The following ZNF566 variants were observed in gnomAD, a reference collection of about 807,000 sequenced individuals.
The protein encoded by ZNF566 is zinc finger protein 566.
Under a neutral mutation model 32.8 loss-of-function variants are expected in ZNF566, and 27 were observed. The observed-to-expected ratio is 0.82, with a 90% CI of 0.61 to 1.14. The LOEUF is 1.14. ZNF566 is among the 50% of genes most tolerant of loss of function. The pLI, the probability that ZNF566 is intolerant of heterozygous loss-of-function variation, is 0.00. For missense variants in ZNF566, 402 were observed against 490.4 expected (o/e 0.82, Z 1.70); for synonymous variants, 154 against 159.5 (o/e 0.97, Z 0.26).
At chr19:36,476,448 G>A (rs374958503) in intron 2 of ZNF566, 101 bp downstream of exon 2, 4 of 836,784 alleles carry the variant, frequency 4.8e-6, no homozygotes, top group Non-Finnish European at 7.2e-6. Flanking sequence ...GAAAGGTGTT[G>A]TTTTTCTAAC....
chr19:36,486,115 G>A (rs1248911963), intron 1 of ZNF566, among the ~76,000 whole-genome samples: 1 of 152,062 alleles, frequency 6.6e-6, no homozygotes, highest in East Asian at 1.9e-4. Flanking sequence ...TAACTGGCCA[G>A]TACTCTTCAA....
rs1393222834 is a variant in ZNF566, at chr19:36,473,471, C to T, written c.10-13G>A. The T allele has an allele frequency of 6.4e-7, 1 of 1,559,492 alleles. No individual in the cohort carries two copies. Among genetic ancestry groups the T allele is most frequent in the East Asian group, 2.3e-5 (1 of 43,602 alleles). ...ACATCACTGACTCCTGGAACAATAA[C>T]CACGTATATGACTTCATTAATTTTT... On this transcript the variant is annotated splice_polypyrimidine_tract_variant and intron_variant, in intron 2 of 4. Coordinates refer to ENST00000452939, the MANE Select transcript of ZNF566 (RefSeq NM_001145344.1).
chr19:36,458,441 T>A (rs2033374356), intron 4 of ZNF566, among the ~76,000 whole-genome samples: 2 of 152,070 alleles, frequency 1.3e-5, no homozygotes, highest in African/African-American at 4.8e-5. Flanking sequence ...ATATATGAAC[T>A]CTAAAACGTT....
At chr19:36,456,853 C>T (rs997742187) in intron 4 of ZNF566, among the ~76,000 whole-genome samples, 1 of 152,160 alleles carries the variant, frequency 6.6e-6, no homozygotes, top group Non-Finnish European at 1.5e-5. Flanking sequence ...GAATCCCTAA[C>T]AAAATTCCAA....
At position 36,456,035 on chromosome 19, in the gene ZNF566, T is replaced by A. The variant is rs192027487; in HGVS notation, c.233-6034A>T. Among the ~76,000 whole-genome samples the A allele has an allele frequency of 5.3e-5, 8 of 150,422 alleles. No homozygotes were observed. The East Asian group carries it at 1.6e-3, about 30-fold the overall frequency. The stretch of plus-strand genomic sequence containing the variant: ...GACTGGGTGACAGAGCGAGACTCCA[T>A]CTCAAAAAAGAAAAAAAAAAGTAAT... On this transcript the variant is annotated intron_variant, in intron 4 of 4. Transcript: ENST00000452939.
At chr19:36,479,671 G>A (rs924630092) in intron 1 of ZNF566, among the ~76,000 whole-genome samples, 1 of 152,162 alleles carries the variant, frequency 6.6e-6, no homozygotes, top group African/African-American at 2.4e-5. Context: ...GTCTTGCTTT[G>A]TTACCCAGGT....
chr19:36,449,053 G>A lies in ZNF566; in HGVS notation c.1181C>T (p.Pro394Leu). Residue 394 changes from proline to leucine, a missense_variant, in exon 5 of 5, where the codon CCC (proline) becomes CTC (leucine). By Grantham distance (98) the Pro-to-Leu change is moderately conservative (BLOSUM62 -3). This residue lies in a region of ZNF566 where 47 missense variants were observed against 38.5 expected (regional missense o/e 1.22). Transcript: ENST00000452939. ...CTTTCCACATTCCCTATATTCATAGGGTTTCTCACTAGTATGAATTCTATG... is the reference window on the plus strand; with the variant it reads ...CTTTCCACATTCCCTATATTCATAGAGTTTCTCACTAGTATGAATTCTATG... Reference protein sequence around the residue: ...SHHRIHTSEKPYEYRECGKNF... With the variant: ...SHHRIHTSEKLYEYRECGKNF... 2.5e-6 allele frequency: 4 copies of A among 1,612,976 alleles called. No individual in the cohort carries two copies. The highest frequency in any genetic ancestry group is 3.4e-6 in the Non-Finnish European group (4 of 1,179,678).
intron 2 of ZNF566, among the ~76,000 whole-genome samples, chr19:36,474,742 AT>A (rs2033844517): frequency 6.6e-6 from 1 of 152,204 alleles, no homozygotes. Flanking sequence ...AGAAAATTAA[AT>A]TTGCATATAA....
chr19:36,488,200 A>T (rs2034218531), intron 1 of ZNF566, among the ~76,000 whole-genome samples: 1 of 152,052 alleles, frequency 6.6e-6, no homozygotes, highest in South Asian at 2.1e-4. Flanking sequence ...CTCTCATCTC[A>T]ACCTCCTGAG....
chr19:36,488,631 T>TAACTAATA (rs1444641761), intron 1 of ZNF566, among the ~76,000 whole-genome samples: 1 of 152,124 alleles, frequency 6.6e-6, no homozygotes, highest in African/African-American at 2.4e-5. Flanking sequence ...AAGCTATAAA[T>TAACTAATA]AACTAATAGG....
chr19:36,462,283 G>A (rs1387829537), intron 4 of ZNF566, among the ~76,000 whole-genome samples: 2 of 151,942 alleles, frequency 1.3e-5, no homozygotes, highest in Admixed American at 6.6e-5. Flanking sequence ...CCACCATGCC[G>A]GGGCCAACTT....
At chr19:36,465,000 T>C (rs895760485) in intron 4 of ZNF566, among the ~76,000 whole-genome samples, 4 of 152,026 alleles carry the variant, frequency 2.6e-5, no homozygotes, top group African/African-American at 9.7e-5. Flanking sequence ...CTATAAAACA[T>C]GCGATTGATC....
intron 1 of ZNF566, among the ~76,000 whole-genome samples, chr19:36,485,924 C>T (rs145338370): frequency 6.8e-5 from 10 of 147,580 alleles, no homozygotes; most frequent in African/African-American, 1.0e-4. Flanking sequence ...CGTGGTGGTG[C>T]GCTCCTATAG....
chr19:36,452,962 A>G (rs767243774), intron 4 of ZNF566, among the ~76,000 whole-genome samples: 25 of 151,898 alleles, frequency 1.6e-4, no homozygotes, highest in Admixed American at 2.6e-4. Context: ...TACTAAAAAT[A>G]TAAAAATTAG....
At chr19:36,460,651 A>G (rs2033438371) in intron 4 of ZNF566, among the ~76,000 whole-genome samples, 1 of 152,202 alleles carries the variant, frequency 6.6e-6, no homozygotes, top group African/African-American at 2.4e-5. Flanking sequence ...ATTTGAAGAA[A>G]TAATGGCTGA....
At chr19:36,465,104 T>G (rs2033579163) in intron 4 of ZNF566, among the ~76,000 whole-genome samples, 1 of 152,082 alleles carries the variant, frequency 6.6e-6, no homozygotes, top group Non-Finnish European at 1.5e-5. Flanking sequence ...AATGACATTA[T>G]ACAGAAGAGA....
chr19:36,485,560 G>A (rs1158582898), intron 1 of ZNF566, among the ~76,000 whole-genome samples: 3 of 151,552 alleles, frequency 2.0e-5, no homozygotes, highest in East Asian at 1.9e-4. Flanking sequence ...TCAGGAGTTC[G>A]AGACCAGCCT....
intron 4 of ZNF566, among the ~76,000 whole-genome samples, chr19:36,472,003 C>T (rs2033777737): frequency 6.6e-6 from 1 of 152,150 alleles, no homozygotes; most frequent in Non-Finnish European, 1.5e-5. Context: ...TTCAGCCTCC[C>T]AAAGTGCTGG....
At chr19:36,473,966 A>G (rs552257916) in intron 2 of ZNF566, among the ~76,000 whole-genome samples, 2 of 152,320 alleles carry the variant, frequency 1.3e-5, no homozygotes, top group African/African-American at 2.4e-5. Context: ...GCAAGAAACA[A>G]TAAGAACGAT....
Sources: gnomAD v4.1 joint callset for allele counts (sites outside exome capture counted in the v4.1 genomes callset) on GRCh38, gnomAD v4.1.1 for gene constraint, gnomAD v4.1.1 regional missense constraint, MANE v1.5 for transcripts, NCBI Gene and HGNC (gene_info 2026-07-23, HGNC 2026-07-21) for gene names.